Variants in KDM4B observed in about 807,000 individuals in gnomAD.
KDM4B encodes lysine demethylase 4B.
KDM4B carries 32 observed loss-of-function variants against 125.2 expected under a neutral mutation model. The observed-to-expected ratio is 0.26, with a 90% CI of 0.19 to 0.34. The LOEUF (loss-of-function observed/expected upper bound fraction) is 0.34. Among genes scored for constraint, KDM4B ranks in the 10% least tolerant of loss-of-function variants. The pLI is 1.00. For missense variants in KDM4B, 1,190 were observed against 1,577.7 expected, an observed-to-expected ratio of 0.75 and a Z score of 4.16; for synonymous variants, 721 against 677.9, an observed-to-expected ratio of 1.06 and a Z score of -0.99.
intron 9 of KDM4B, among the ~76,000 whole-genome samples, chr19:5,105,026 C>T (rs914937263): frequency 3.9e-5 from 6 of 152,212 alleles, no homozygotes; most frequent in Admixed American, 6.5e-5. Context: ...TGGGCTCCGT[C>T]CGGGCAGCAG....
rs1278832132 is a variant in KDM4B, at chr19:5,082,733, G to A, written c.918+229G>A. Among the ~76,000 whole-genome samples the A allele has an allele frequency of 6.6e-6, 1 of 152,228 alleles. No individual in the cohort carries two copies. The highest frequency in any genetic ancestry group is 2.4e-5 in the African/African-American group (1 of 41,474). On this transcript the variant is annotated intron_variant, in intron 9 of 22. Coordinates refer to ENST00000159111, the MANE Select transcript of KDM4B (RefSeq NM_015015.3). This position sits in a 1 kb window ranked among gnomAD's most constrained non-coding sequence, Gnocchi z 5.4. ...AGGTCGGGTGGACGATGGTGGCCCA[G>A]GGCCCATCTCCAGCGAGTTCCATAC... is the stretch of plus-strand genomic sequence containing the variant.
chr19:4,999,739 GTCC>G (rs2035310415), intron 1 of KDM4B, among the ~76,000 whole-genome samples: 1 of 34,128 alleles, frequency 2.9e-5, no homozygotes, highest in East Asian at 9.6e-4. Context: ...CCACCCACCT[GTCC>G]ATCTATCCAT....
chr19:5,072,027 C>T (rs191126266), intron 7 of KDM4B, among the ~76,000 whole-genome samples: 14 of 152,270 alleles, frequency 9.2e-5, no homozygotes, highest in Admixed American at 3.3e-4. Flanking sequence ...CCGAGCACCC[C>T]GCCCTTCAAG....
At chr19:5,104,140 G>A (rs1014529802) in intron 9 of KDM4B, among the ~76,000 whole-genome samples, 2 of 152,174 alleles carry the variant, frequency 1.3e-5, no homozygotes, top group Non-Finnish European at 2.9e-5. Context: ...CCGCTGGCAG[G>A]ACCCCGAGAA....
Position 5,082,654 on chromosome 19 carries a change from A to T in KDM4B, c.918+150A>T, listed in dbSNP as rs2038337674. The T allele has an allele frequency of 1.1e-6, 1 of 895,844 alleles. No homozygotes were observed. Among genetic ancestry groups the T allele is most frequent in the Non-Finnish European group, 1.6e-6 (1 of 616,796 alleles). 55.5% of individuals were successfully genotyped at this position (895,844 alleles called of 1,614,324 possible). On this transcript the variant is annotated intron_variant, in intron 9 of 22. Coordinates refer to ENST00000159111, the MANE Select transcript of KDM4B (RefSeq NM_015015.3). The surrounding 1 kb of genome is among the most constrained non-coding windows in gnomAD (Gnocchi z 5.4). ...ACCAGGGTCTGATTCTGGGCTCCTC[A>T]GAGAGCTTTTGCCCAGAACGCTCCT...
At chr19:4,979,060 A>T (rs893306659) in intron 1 of KDM4B, among the ~76,000 whole-genome samples, 7 of 152,082 alleles carry the variant, frequency 4.6e-5, no homozygotes, top group African/African-American at 1.7e-4. Flanking sequence ...AGGTGGGAGG[A>T]TCGGTGGAGG....
intron 11 of KDM4B, among the ~76,000 whole-genome samples, chr19:5,124,536 C>T (rs185573778): frequency 5.9e-5 from 9 of 152,282 alleles, no homozygotes; most frequent in African/African-American, 1.7e-4. Flanking sequence ...GGAGGAAGGG[C>T]GGCCACCAGC....
intron 20 of KDM4B, 104 bp from the exon 21 acceptor site, chr19:5,144,679 C>T: frequency 1.3e-6 from 2 of 1,505,916 alleles, no homozygotes. Flanking sequence ...TTTGGGGCTT[C>T]AGGCAGAGAA....
At chr19:5,089,062 G>A (rs1224186786) in intron 9 of KDM4B, among the ~76,000 whole-genome samples, 1 of 152,170 alleles carries the variant, frequency 6.6e-6, no homozygotes, top group Non-Finnish European at 1.5e-5. Flanking sequence ...GGTGACAACG[G>A]ATGGGGACGG....
At chr19:5,064,371 A>G (rs1021027771) in intron 6 of KDM4B, among the ~76,000 whole-genome samples, 17 of 146,256 alleles carry the variant, frequency 1.2e-4, no homozygotes, top group African/African-American at 4.4e-4. Context: ...TGTGAAATTA[A>G]CTTTCTCACC....
intron 1 of KDM4B, among the ~76,000 whole-genome samples, chr19:4,988,433 G>T (rs975881563): frequency 8.5e-5 from 13 of 152,098 alleles, no homozygotes; most frequent in African/African-American, 2.9e-4. Context: ...CCGCCACCAC[G>T]CCCGGCTAAT....
At chr19:5,145,948 C>A (rs1385259218) in intron 21 of KDM4B, among the ~76,000 whole-genome samples, 1 of 152,234 alleles carries the variant, frequency 6.6e-6, no homozygotes, top group African/African-American at 2.4e-5. Flanking sequence ...CCCGAGGCCG[C>A]ATTAAGGAAA....
At chr19:5,040,338 C>T (rs891390579) in intron 4 of KDM4B, among the ~76,000 whole-genome samples, 2 of 152,184 alleles carry the variant, frequency 1.3e-5, no homozygotes, top group African/African-American at 4.8e-5. Context: ...GAGAGGGCTC[C>T]CTGGCTCCAC....
chr19:5,064,430 G>A (rs916866956), intron 6 of KDM4B, among the ~76,000 whole-genome samples: 2 of 151,268 alleles, frequency 1.3e-5, no homozygotes, highest in Non-Finnish European at 1.5e-5. Context: ...GCTCTTGGTC[G>A]GACCTCTGCT....
intron 12 of KDM4B, 110 bp downstream of exon 12, chr19:5,131,655 G>GTGGGGGGCAGGTGGGGTGGGGC: frequency 1.7e-6 from 1 of 590,730 alleles, no homozygotes; most frequent in Non-Finnish European, 2.9e-6. Flanking sequence ...GGGCAGGGAG[G>GTGGGGGGCAGGTGGGGTGGGGC]AGGGGACAGG....
chr19:5,018,224 G>T (rs1219061777), intron 2 of KDM4B, among the ~76,000 whole-genome samples: 5 of 152,046 alleles, frequency 3.3e-5, no homozygotes, highest in Non-Finnish European at 7.4e-5. Context: ...TTTTTGTAGA[G>T]GCTATGTTGC....
At chr19:5,036,739 C>T (rs868826662) in intron 3 of KDM4B, among the ~76,000 whole-genome samples, 8 of 152,362 alleles carry the variant, frequency 5.3e-5, no homozygotes, top group South Asian at 2.1e-4. Flanking sequence ...AGGAATGTCC[C>T]GAGCGGCTTT....
At chr19:5,015,791 T>TC (rs1365772912) in intron 1 of KDM4B, among the ~76,000 whole-genome samples, 1 of 152,254 alleles carries the variant, frequency 6.6e-6, no homozygotes, top group East Asian at 1.9e-4. Flanking sequence ...AGGACTAAGT[T>TC]CAACGCCTGG....
intron 18 of KDM4B, among the ~76,000 whole-genome samples, chr19:5,143,047 C>T (rs1413074997): frequency 2.0e-5 from 3 of 152,070 alleles, no homozygotes; most frequent in East Asian, 1.9e-4. Context: ...ATGTAAAGGA[C>T]CTGCGCGATG....
Sources: allele counts gnomAD v4.1 joint callset (sites outside exome capture counted in the v4.1 genomes callset), GRCh38; gene constraint gnomAD v4.1.1; non-coding constraint Gnocchi (gnomAD v3.1); transcripts MANE v1.5; gene names NCBI Gene and HGNC (gene_info 2026-07-23, HGNC 2026-07-21).